DIXDC1: variants seen among roughly 807,000 people sequenced by gnomAD.
The protein encoded by DIXDC1 is dixin.
In DIXDC1, 64 loss-of-function variants were observed where a neutral mutation model predicts 103.1. The ratio of observed to expected loss-of-function variants is 0.62; its 90% confidence interval spans 0.51 to 0.76. The LOEUF is 0.76. Among genes scored for constraint, DIXDC1 ranks in the 30% least tolerant of loss-of-function variants. DIXDC1 has a pLI of 0.00. For missense variants in DIXDC1, 759 were observed against 834.2 expected, an observed-to-expected ratio of 0.91 and a Z score of 1.11; for synonymous variants, 266 against 298.5, an observed-to-expected ratio of 0.89 and a Z score of 1.12.
chr11:111,982,302 T>C (rs1555173308), intron 6 of DIXDC1, 37 bp from the exon 7 acceptor site: 1 of 1,594,064 alleles, frequency 6.3e-7, no homozygotes, highest in African/African-American at 1.4e-5. Context: ...ATCAGTTTTC[T>C]TCAACATGAA....
Position 112,019,067 on chromosome 11 carries a change from C to T in DIXDC1, c.*31C>T. 1 of 1,578,162 alleles carries T rather than the reference C, an allele frequency of 6.3e-7. No homozygotes were observed. The highest frequency in any genetic ancestry group is 1.1e-5 in the South Asian group (1 of 89,558). ...AGTATCAGATTGAGGGCTTATGGAA[C>T]CTGGTCACTCCCTGGCTGCTTCACT... On this transcript the variant is annotated 3_prime_UTR_variant, in exon 20 of 20. Transcript: ENST00000440460.
At chr11:111,934,915 C>T (rs2137428256), upstream of DIXDC1, among the ~76,000 whole-genome samples, 1 of 152,234 alleles carries the variant, frequency 6.6e-6, no homozygotes, top group Non-Finnish European at 1.5e-5. Context: ...AATTAGATGC[C>T]ATTAAAATTT....
In DIXDC1 at chr11:111,993,672, G is replaced by T; in HGVS notation, c.1369G>T (p.Asp457Tyr). 6.2e-7 allele frequency: 1 copy of T among 1,614,024 alleles called. No individual in the cohort carries two copies. The highest frequency in any genetic ancestry group is 1.3e-5 in the African/African-American group (1 of 75,060). Residue 457 changes from aspartate (D) to tyrosine (Y), a missense_variant, in exon 14 of 20, where the codon GAT (aspartate) becomes TAT (tyrosine). Around this residue, in one of 3 missense-constraint regions of DIXDC1, gnomAD observed 657 missense variants for 727.5 expected, o/e 0.90. Coordinates refer to ENST00000440460, the MANE Select transcript of DIXDC1 (RefSeq NM_001037954.4). ...TGATTTAGTGTCTATTTTGCAGGTG[G>T]ATCTAGAGCGAGAGCTAGAACACAA... ...KLSDVSYHQVDLERELEHKDV... is the reference protein window; with the variant it reads ...KLSDVSYHQVYLERELEHKDV...
upstream of DIXDC1, among the ~76,000 whole-genome samples, chr11:111,934,971 C>T (rs1287557355): frequency 1.3e-5 from 2 of 152,202 alleles, no homozygotes; most frequent in African/African-American, 2.4e-5. Context: ...TCAGTAGCCA[C>T]GTATGGCCAC....
intron 17 of DIXDC1, among the ~76,000 whole-genome samples, chr11:111,996,707 A>T (rs1182779675): frequency 1.3e-5 from 2 of 152,012 alleles, no homozygotes; most frequent in Non-Finnish European, 2.9e-5. Context: ...AAAATTAGCC[A>T]GGTGTGGTGG....
chr11:111,937,405 G>T lies in DIXDC1; in HGVS notation c.-95G>T. The T allele has an allele frequency of 2.0e-6, 3 of 1,514,676 alleles. No homozygotes were observed. The highest frequency in any genetic ancestry group is 2.7e-6 in the Non-Finnish European group (3 of 1,131,930). 93.8% of individuals were successfully genotyped at this position (1,514,676 alleles called of 1,614,324 possible). ...CGGGACTCCGGAGGGATCCCAATGAGCTGAGCCGAGAGCCTTTGTGTGCAG... is the reference window on the plus strand; with the variant it reads ...CGGGACTCCGGAGGGATCCCAATGATCTGAGCCGAGAGCCTTTGTGTGCAG... On this transcript the variant is annotated 5_prime_UTR_variant, in exon 1 of 20. Coordinates refer to ENST00000440460, the MANE Select transcript of DIXDC1 (RefSeq NM_001037954.4).
chr11:111,980,764 T>C lies in DIXDC1; in HGVS notation c.684T>C (p.Ser228=). Reference sequence around the variant, plus strand: ...TGACTTCACCCAGTCCAATCCACAGTGCAAAGAGCGAGTCCATTATAACCC... The same window carrying C: ...TGACTTCACCCAGTCCAATCCACAGCGCAAAGAGCGAGTCCATTATAACCC... ...SSLTSPSPIH[S]AKSESIITQS... is the part of the protein sequence containing the mutation. Residue 228 remains serine, a synonymous_variant, in exon 6 of 20, where the codon AGT becomes AGC. Coordinates refer to ENST00000440460, the MANE Select transcript of DIXDC1 (RefSeq NM_001037954.4). 1.2e-6 allele frequency: 2 copies of C among 1,613,966 alleles called. No individual in the cohort carries two copies. The highest frequency in any genetic ancestry group is 1.3e-5 in the African/African-American group (1 of 75,050).
chr11:111,940,168 T>C (rs1555168662), intron 1 of DIXDC1, among the ~76,000 whole-genome samples: 1 of 152,254 alleles, frequency 6.6e-6, no homozygotes, highest in Non-Finnish European at 1.5e-5. Flanking sequence ...TGTTGGCTTC[T>C]GTTCTCAATC....
chr11:111,970,054 A>T (rs140273553), intron 3 of DIXDC1, among the ~76,000 whole-genome samples: 3 of 152,242 alleles, frequency 2.0e-5, no homozygotes, highest in Non-Finnish European at 4.4e-5. Flanking sequence ...AAAAATCAGT[A>T]GCATTTGTTT....
intron 3 of DIXDC1, among the ~76,000 whole-genome samples, chr11:111,971,424 A>G (rs915981862): frequency 2.6e-5 from 4 of 152,374 alleles, no homozygotes; most frequent in African/African-American, 9.6e-5. Flanking sequence ...CACACCAGTC[A>G]GGATGGCTTT....
chr11:111,998,701 T>G lies in DIXDC1; in HGVS notation c.1756+2555T>G, dbSNP rs1374855452. Among the ~76,000 whole-genome samples, 2 of 152,086 alleles carry G rather than the reference T, an allele frequency of 1.3e-5. No homozygotes were observed. Among genetic ancestry groups the G allele is most frequent in the African/African-American group, 2.4e-5 (1 of 41,400 alleles). On this transcript the variant is annotated intron_variant, in intron 17 of 19. Coordinates refer to ENST00000440460, the MANE Select transcript of DIXDC1 (RefSeq NM_001037954.4). This position sits in a 1 kb window ranked among gnomAD's most constrained non-coding sequence, Gnocchi z 4.1. ...GGCGCCCGCCACCACGCCCGGCTAATTTTTTGTATTTTAGTAGAGACAGGG... is the reference window on the plus strand; with the variant it reads ...GGCGCCCGCCACCACGCCCGGCTAAGTTTTTGTATTTTAGTAGAGACAGGG...
Position 111,995,581 on chromosome 11 carries a change from G to A in DIXDC1, c.1689+17G>A. 1 of 1,613,158 alleles carries A rather than the reference G, an allele frequency of 6.2e-7. No individual in the cohort carries two copies. Among genetic ancestry groups the A allele is most frequent in the South Asian group, 1.1e-5 (1 of 91,048 alleles). On this transcript the variant is annotated intron_variant, in intron 16 of 19. Coordinates refer to ENST00000440460, the MANE Select transcript of DIXDC1 (RefSeq NM_001037954.4). ...GAAAGAAAGGTAACCCTCTTGCTGT[G>A]GTATCTCTCTTAGGCAAGCTCCTGA...
intron 17 of DIXDC1, 79 bp downstream of exon 17, chr11:111,996,225 G>A (rs2137590552): frequency 7.6e-7 from 1 of 1,323,704 alleles, no homozygotes; most frequent in Non-Finnish European, 1.0e-6. Context: ...TACATTTTGG[G>A]GATGTAATTT....
intron 3 of DIXDC1, among the ~76,000 whole-genome samples, chr11:111,970,655 C>CT (rs1859889521): frequency 1.4e-5 from 2 of 144,722 alleles, no homozygotes; most frequent in South Asian, 4.4e-4. Context: ...GAGCGAAACT[C>CT]TATCTCAAAA....
At chr11:111,979,026 A>G (rs1345726170) in intron 5 of DIXDC1, among the ~76,000 whole-genome samples, 3 of 152,240 alleles carry the variant, frequency 2.0e-5, no homozygotes, top group Non-Finnish European at 2.9e-5. Flanking sequence ...ATTTCGGAAT[A>G]TCACTTCTTG....
chr11:111,958,519 GC>G lies in DIXDC1; in HGVS notation c.61-6029del, dbSNP rs1198848631. On this transcript the variant is annotated intron_variant, in intron 1 of 19. Coordinates refer to ENST00000440460, the MANE Select transcript of DIXDC1 (RefSeq NM_001037954.4). This position sits in a 1 kb window ranked among gnomAD's most constrained non-coding sequence, Gnocchi z 4.2. ...GATATGCCAGCCCCCTGCTGCCTTA[GC>G]TCCCTCTGGACTTTGGGTGCCGAAA... 6.6e-6 allele frequency among the ~76,000 whole-genome samples: 1 copy of G among 152,206 alleles called. No homozygotes were observed. Among genetic ancestry groups the G allele is most frequent in the Non-Finnish European group, 1.5e-5 (1 of 68,044 alleles).
intron 3 of DIXDC1, among the ~76,000 whole-genome samples, chr11:111,970,141 C>T (rs187464689): frequency 1.3e-5 from 2 of 152,252 alleles, no homozygotes; most frequent in African/African-American, 4.8e-5. Context: ...CTGCAACGTC[C>T]GCCTCCTAGG....
chr11:112,010,855 G>A (rs2137630861), intron 17 of DIXDC1, among the ~76,000 whole-genome samples: 1 of 152,280 alleles, frequency 6.6e-6, no homozygotes, highest in South Asian at 2.1e-4. Flanking sequence ...AACCCTAGAA[G>A]AAAACCGAGG....
At position 111,949,239 on chromosome 11, in the gene DIXDC1, G is replaced by C. The variant is rs587608007; in HGVS notation, c.60+11680G>C. ...ATCTCCCACCCCGCCCCCAGCTCTTGGGCTCTAGACCTGTGTTTTGCCAAC... is the reference window on the plus strand; with the variant it reads ...ATCTCCCACCCCGCCCCCAGCTCTTCGGCTCTAGACCTGTGTTTTGCCAAC... On this transcript the variant is annotated intron_variant, in intron 1 of 19. Transcript: ENST00000440460. 1.1e-3 allele frequency among the ~76,000 whole-genome samples: 165 copies of C among 151,974 alleles called. 1 individual carries two copies. The highest frequency in any genetic ancestry group is 3.6e-3 in the African/African-American group (148 of 41,392).
Sources: allele counts gnomAD v4.1 joint callset (sites outside exome capture counted in the v4.1 genomes callset), GRCh38; gene constraint gnomAD v4.1.1; regional missense constraint gnomAD v4.1.1; non-coding constraint Gnocchi (gnomAD v3.1); transcripts MANE v1.5; gene names NCBI Gene and HGNC (gene_info 2026-07-23, HGNC 2026-07-21).